Variants in MAP3K7 observed in about 807,000 individuals in gnomAD.
MAP3K7 encodes mitogen-activated protein kinase kinase kinase 7.
Under a neutral mutation model 84.8 loss-of-function variants are expected in MAP3K7, and 21 were observed. The observed-to-expected ratio is 0.25, with a 90% confidence interval of 0.18 to 0.36. MAP3K7 has a LOEUF of 0.36. Ranked by LOEUF, MAP3K7 falls within the 10% of genes least tolerant of loss-of-function variation. The pLI, the probability that MAP3K7 is intolerant of heterozygous loss-of-function variation, is 1.00. For synonymous variants in MAP3K7, 241 were observed against 247.7 expected (o/e 0.97, Z 0.25); for missense variants, 503 against 747.7 (o/e 0.67, Z 3.82).
intron 11 of MAP3K7, among the ~76,000 whole-genome samples, chr6:90,545,263 C>T (rs1459270812): frequency 6.6e-6 from 1 of 151,978 alleles, no homozygotes; most frequent in African/African-American, 2.4e-5. Flanking sequence ...ATGACTCTTT[C>T]CAAGTAAGAC....
rs1373045442 is a variant in MAP3K7 at position 90,565,022 on chromosome 6, C to T, written c.298-3355G>A. The stretch of plus-strand genomic sequence containing the variant: ...TCTTTGAAACCAATGAGAAGAAAGA[C>T]ACAACATACCAGAATCTCTGGGACA... On this transcript the variant is annotated intron_variant, in intron 3 of 16. Coordinates refer to ENST00000369329, the MANE Select transcript of MAP3K7 (RefSeq NM_145331.3). Among the ~76,000 whole-genome samples, 4 of 152,212 alleles carry T rather than the reference C, an allele frequency of 2.6e-5. No individual in the cohort carries two copies. In the East Asian group the frequency reaches 7.7e-4, roughly 29 times the overall value.
chr6:90,516,219 G>A lies in MAP3K7; in HGVS notation c.*282C>T. 1 of 452,958 alleles carries A rather than the reference G, an allele frequency of 2.2e-6. No individual in the cohort carries two copies. 28.1% of individuals were successfully genotyped at this position (452,958 alleles called of 1,614,324 possible). A position where few individuals can be genotyped will look rare whatever the true frequency, so the allele number is the denominator to read the frequency against. ...TCTGTTAGGCTAGCCTTCACACAAT[G>A]AGCATGCATATACAGCCACAGTTCA... On this transcript the variant is annotated 3_prime_UTR_variant, in exon 17 of 17. Coordinates refer to ENST00000369329, the MANE Select transcript of MAP3K7 (RefSeq NM_145331.3).
chr6:90,585,859 T>G (rs544755918), intron 1 of MAP3K7, among the ~76,000 whole-genome samples: 1 of 152,352 alleles, frequency 6.6e-6, no homozygotes, highest in African/African-American at 2.4e-5. Context: ...TCTATGTTAC[T>G]TATGGTGAAA....
At chr6:90,566,111 T>C (rs1468540657) in intron 3 of MAP3K7, among the ~76,000 whole-genome samples, 2 of 152,200 alleles carry the variant, frequency 1.3e-5, no homozygotes, top group African/African-American at 4.8e-5. Context: ...AATATCATCC[T>C]GAATAGACAA....
chr6:90,547,203 T>A, intron 11 of MAP3K7, 55 bp downstream of exon 11: 1 of 1,590,294 alleles, frequency 6.3e-7, no homozygotes, highest in Non-Finnish European at 8.5e-7. Context: ...GAAACTACCA[T>A]GGCCAAAAAG....
rs113131997 is a variant in MAP3K7 at position 90,519,751 on chromosome 6, G to A, written c.1463-432C>T. On this transcript the variant is annotated intron_variant, in intron 14 of 16. Transcript: ENST00000369329. ...CGCTAATATCAATGTTCCTTAACAG[G>A]GAAAGGGAGAAAGCAGAGACACATT... Among the ~76,000 whole-genome samples the A allele has an allele frequency of 4.0e-3, 605 of 152,040 alleles. 3 individuals carry two copies. The highest frequency in any genetic ancestry group is 6.6e-3 in the Non-Finnish European group (445 of 67,900).
Position 90,516,401 on chromosome 6 carries a change from G to A in MAP3K7, c.*100C>T, listed in dbSNP as rs1413069720. 2.2e-5 allele frequency: 27 copies of A among 1,250,426 alleles called. No individual in the cohort carries two copies. Among genetic ancestry groups the A allele is most frequent in the African/African-American group, 3.1e-5 (2 of 65,334 alleles). 77.5% of individuals were successfully genotyped at this position (1,250,426 alleles called of 1,614,324 possible). ...TATAGGCAGTTGGCATTCAGAACAC[G>A]CCAAAAAGCTAACACTCATGAATCG... On this transcript the variant is annotated 3_prime_UTR_variant, in exon 17 of 17. Transcript: ENST00000369329.
chr6:90,580,290 T>C (rs1170091604), intron 1 of MAP3K7, among the ~76,000 whole-genome samples: 3 of 152,212 alleles, frequency 2.0e-5, no homozygotes, highest in Non-Finnish European at 2.9e-5. Context: ...ATGGCCACTC[T>C]TGAGACATAC....
rs138804542 is a variant in MAP3K7 at position 90,544,567 on chromosome 6, C to G, written c.1276G>C (p.Glu426Gln). 3 of 1,612,296 alleles carry G rather than the reference C, an allele frequency of 1.9e-6. No individual in the cohort carries two copies. The highest frequency in any genetic ancestry group is 2.5e-6 in the Non-Finnish European group (3 of 1,178,854). Residue 426 changes from glutamate to glutamine, a missense_variant, in exon 12 of 17, where the codon GAG (glutamate) becomes CAG (glutamine). Coordinates refer to ENST00000369329, the MANE Select transcript of MAP3K7 (RefSeq NM_145331.3). ...TCTATGATACCTGATATGACGATCT[C>G]AGGGACATCCAGAATGTTGCCAAAT... ...ASFGNILDVP[E>Q]IVISGNGQPR... is the part of the protein sequence containing the mutation.
chr6:90,556,028 A>C (rs557865242), intron 6 of MAP3K7, among the ~76,000 whole-genome samples: 11 of 152,368 alleles, frequency 7.2e-5, no homozygotes, highest in Admixed American at 2.0e-4. Flanking sequence ...AAGGGCTCTG[A>C]ACAGCACAAA....
chr6:90,566,167 C>T (rs1776696951), intron 3 of MAP3K7, among the ~76,000 whole-genome samples: 1 of 152,126 alleles, frequency 6.6e-6, no homozygotes, highest in South Asian at 2.1e-4. Flanking sequence ...ACAAGGATGC[C>T]CTCACTCACC....
intron 16 of MAP3K7, among the ~76,000 whole-genome samples, chr6:90,517,711 A>G (rs1775011161): frequency 6.6e-6 from 1 of 151,750 alleles, no homozygotes; most frequent in Admixed American, 6.6e-5. Context: ...ATGATAAAAC[A>G]ATTTTTTCTC....
intron 5 of MAP3K7, among the ~76,000 whole-genome samples, chr6:90,557,664 AC>A (rs2127977338): frequency 6.6e-6 from 1 of 152,244 alleles, no homozygotes; most frequent in African/African-American, 2.4e-5. Context: ...CTTGTTTTAT[AC>A]TGGTATATTC....
chr6:90,519,462 C>T (rs1454955161), intron 14 of MAP3K7, 143 bp from the exon 15 acceptor site: 3 of 612,908 alleles, frequency 4.9e-6, no homozygotes, highest in Non-Finnish European at 8.5e-6. Context: ...ATTGAAGAGT[C>T]TATTTCTGAA....
chr6:90,529,207 T>C (rs791062), intron 13 of MAP3K7, among the ~76,000 whole-genome samples: 47,128 of 152,078 alleles, frequency 0.31, 7,676 homozygotes, highest in Non-Finnish European at 0.36. Flanking sequence ...CTGGATTTTC[T>C]CTCCTCTTAA....
rs184030950 is a variant in MAP3K7, at chr6:90,585,445, T to C, written c.120+1319A>G. 2.6e-5 allele frequency among the ~76,000 whole-genome samples: 4 copies of C among 152,358 alleles called. 1 individual carries two copies. The highest frequency in any genetic ancestry group is 4.4e-5 in the Non-Finnish European group (3 of 68,034). On this transcript the variant is annotated intron_variant, in intron 1 of 16. Transcript: ENST00000369329. The stretch of plus-strand genomic sequence containing the variant: ...TAAAAATAATTTTAGAATTTTAAAG[T>C]AGACATAACTCGTTGACAATCTATA...
Position 90,516,450 on chromosome 6 carries a change from T to TAA in MAP3K7, c.*49_*50dup. On this transcript the variant is annotated 3_prime_UTR_variant, in exon 17 of 17. Coordinates refer to ENST00000369329, the MANE Select transcript of MAP3K7 (RefSeq NM_145331.3). Reference sequence around the variant, plus strand: ...CGTCATTATAAGGTTTTCCTTTCCTTAAAAAAAAAGTCTTTCTTTGCATAT... The same window carrying TAA: ...CGTCATTATAAGGTTTTCCTTTCCTTAAAAAAAAAAAGTCTTTCTTTGCATAT... 1 of 1,540,160 alleles carries TAA rather than the reference T, an allele frequency of 6.5e-7. No homozygotes were observed. Among genetic ancestry groups the TAA allele is most frequent in the East Asian group, 2.3e-5 (1 of 43,634 alleles).
At chr6:90,542,747 T>C (rs568794926) in intron 12 of MAP3K7, among the ~76,000 whole-genome samples, 8 of 152,112 alleles carry the variant, frequency 5.3e-5, no homozygotes, top group Admixed American at 4.6e-4. Context: ...TAAAATAAGA[T>C]GTACTTTAAG....
At chr6:90,523,861 G>T in intron 13 of MAP3K7, 78 bp from the exon 14 acceptor site, 1 of 825,672 alleles carries the variant, frequency 1.2e-6, no homozygotes, top group Non-Finnish European at 2.1e-6. Flanking sequence ...CCATTAAAAG[G>T]CAAGAAGAGA....
Sources: allele counts gnomAD v4.1 joint callset (sites outside exome capture counted in the v4.1 genomes callset), GRCh38; gene constraint gnomAD v4.1.1; transcripts MANE v1.5; gene names NCBI Gene and HGNC (gene_info 2026-07-23, HGNC 2026-07-21).